Variants in ZC3H11A observed in about 807,000 individuals in gnomAD.
ZC3H11A encodes zinc finger CCCH-type containing 11A.
ZC3H11A carries 22 observed loss-of-function variants against 90.8 expected under a neutral mutation model. The observed-to-expected ratio is 0.24, with a 90% CI of 0.17 to 0.35. The LOEUF (loss-of-function observed/expected upper bound fraction) is 0.35. ZC3H11A is among the 10% of genes least tolerant of loss of function. ZC3H11A has a pLI of 1.00. For missense variants in ZC3H11A, 701 were observed against 964.9 expected (o/e 0.73, Z 3.62); for synonymous variants, 294 against 339.8 (o/e 0.87, Z 1.48).
chr1:203,825,203 T>C (rs1472462253), intron 4 of ZC3H11A, among the ~76,000 whole-genome samples: 3 of 152,046 alleles, frequency 2.0e-5, no homozygotes, highest in Admixed American at 2.0e-4. Flanking sequence ...AACAAAGTTA[T>C]GTATTGATTA....
intron 4 of ZC3H11A, among the ~76,000 whole-genome samples, chr1:203,819,231 T>C (rs1384254242): frequency 1.3e-5 from 2 of 150,784 alleles, no homozygotes; most frequent in Non-Finnish European, 3.0e-5. Flanking sequence ...TTTTTATTTT[T>C]TTTTTTTTGA....
chr1:203,797,801 G>A (rs1669099912), intron 1 of ZC3H11A: 1 of 1,536,058 alleles, frequency 6.5e-7, no homozygotes. Flanking sequence ...GATCTGGGAG[G>A]CCTGTTGCAG....
chr1:203,831,007 G>T (rs536499161), intron 8 of ZC3H11A, among the ~76,000 whole-genome samples: 2 of 125,812 alleles, frequency 1.6e-5, no homozygotes, highest in East Asian at 2.8e-4. Context: ...GTGCAATGGC[G>T]CAATCTTTGC....
chr1:203,809,566 C>G (rs1673629357), intron 2 of ZC3H11A, among the ~76,000 whole-genome samples: 1 of 152,114 alleles, frequency 6.6e-6, no homozygotes, highest in Non-Finnish European at 1.5e-5. Context: ...AATAATATGT[C>G]CTTTTTCCTA....
In ZC3H11A at chr1:203,840,698, G is replaced by T. The variant is rs1685841970; in HGVS notation, c.1042+324G>T. Among the ~76,000 whole-genome samples, 7 of 151,814 alleles carry T rather than the reference G, an allele frequency of 4.6e-5. No individual in the cohort carries two copies. The South Asian group carries it at 1.5e-3, about 32-fold the overall frequency. ...GCCCAGGCTGGAGTTAAATGGCAAG[G>T]TCTCAGCTCACTGCAACCTCCACCT... On this transcript the variant is annotated intron_variant, in intron 12 of 17. Coordinates refer to ENST00000367210, the MANE Select transcript of ZC3H11A (RefSeq NM_001376342.1).
intron 1 of ZC3H11A, chr1:203,797,963 G>A (rs1299255922): frequency 6.5e-7 from 1 of 1,535,824 alleles, no homozygotes; most frequent in Admixed American, 2.0e-5. Context: ...AGTACACCTG[G>A]CGGGCCATTT....
At chr1:203,831,378 A>G (rs959228709) in intron 8 of ZC3H11A, among the ~76,000 whole-genome samples, 2 of 152,132 alleles carry the variant, frequency 1.3e-5, no homozygotes, top group Admixed American at 6.6e-5. Context: ...TTTTAGAATA[A>G]TACTAGCTTT....
chr1:203,798,679 C>A (rs1350931211), intron 1 of ZC3H11A: 36 of 1,536,002 alleles, frequency 2.3e-5, no homozygotes, highest in Non-Finnish European at 2.9e-5. Flanking sequence ...ATTCCCGTTG[C>A]AGAGCAAGGC....
chr1:203,828,269 T>C (rs766161407), intron 4 of ZC3H11A, 30 bp from the exon 5 acceptor site: 29 of 1,613,498 alleles, frequency 1.8e-5, no homozygotes, highest in Non-Finnish European at 2.0e-5. Context: ...ACTGTTTTAT[T>C]TGAAAGCAAT....
At chr1:203,822,014 C>T (rs1276371269) in intron 4 of ZC3H11A, among the ~76,000 whole-genome samples, 1 of 152,102 alleles carries the variant, frequency 6.6e-6, no homozygotes, top group Non-Finnish European at 1.5e-5. Flanking sequence ...GCCTTGGCCT[C>T]CCAAAGTCCT....
rs2103014556 is a variant in ZC3H11A, at chr1:203,829,823, G to A, written c.546G>A (p.Leu182=). ...EEGDETKTPT[L]QPTPEVHNGL... is the part of the protein sequence containing the mutation. ...GTGATGAAACCAAAACACCTACCCTGCAACCAACTCCTGAAGTTCACAATG... is the reference window on the plus strand; with the variant it reads ...GTGATGAAACCAAAACACCTACCCTACAACCAACTCCTGAAGTTCACAATG... Residue 182 remains leucine, a synonymous_variant, in exon 7 of 18, where the codon CTG becomes CTA. Transcript: ENST00000367210. The A allele has an allele frequency of 6.2e-7, 1 of 1,614,100 alleles. No homozygotes were observed. The highest frequency in any genetic ancestry group is 8.5e-7 in the Non-Finnish European group (1 of 1,179,994).
intron 9 of ZC3H11A, 66 bp downstream of exon 9, chr1:203,831,837 C>A: frequency 7.8e-7 from 1 of 1,289,128 alleles, no homozygotes; most frequent in Non-Finnish European, 1.1e-6. Flanking sequence ...ATGCAAAATC[C>A]TTGGGTATCT....
chr1:203,841,520 TAC>T (rs751730582), intron 12 of ZC3H11A, among the ~76,000 whole-genome samples: 157 of 152,366 alleles, frequency 1.0e-3, no homozygotes, highest in Non-Finnish European at 1.9e-3. Context: ...TTTTTCTTAG[TAC>T]AGAACAAAAT....
Position 203,838,028 on chromosome 1 carries a change from G to C in ZC3H11A, c.937G>C (p.Ala313Pro), listed in dbSNP as rs1460720314. The change falls in exon 11 of 18, where the codon GCT becomes CCT. Residue 313 changes from alanine to proline, a missense_variant. Coordinates refer to ENST00000367210, the MANE Select transcript of ZC3H11A (RefSeq NM_001376342.1). ...LAQRLGKKVE[A>P]PETNIDKTPK... ...ACAGAGGCTAGGGAAGAAAGTTGAA[G>C]CTCCAGAAACTAACATTGACAAAAC... 2 of 1,614,044 alleles carry C rather than the reference G, an allele frequency of 1.2e-6. No homozygotes were observed. Among genetic ancestry groups the C allele is most frequent in the East Asian group, 2.2e-5 (1 of 44,894 alleles).
intron 5 of ZC3H11A, among the ~76,000 whole-genome samples, chr1:203,828,819 G>T (rs1008300338): frequency 5.9e-5 from 9 of 152,170 alleles, no homozygotes; most frequent in Admixed American, 5.9e-4. Context: ...TAGTGCTATA[G>T]AATTGAGTAG....
At chr1:203,810,994 A>G (rs1379618642) in intron 2 of ZC3H11A, among the ~76,000 whole-genome samples, 5 of 151,502 alleles carry the variant, frequency 3.3e-5, no homozygotes, top group Admixed American at 6.6e-5. Context: ...AAAAAAAATT[A>G]GCAGGGTATG....
At chr1:203,809,932 G>A (rs79962865) in intron 2 of ZC3H11A, among the ~76,000 whole-genome samples, 12,045 of 152,038 alleles carry the variant, frequency 0.079, 1,267 homozygotes, top group East Asian at 0.4. Context: ...CCAGGTTTGG[G>A]CAACAGAGCG....
chr1:203,807,856 C>T (rs569701434), intron 2 of ZC3H11A, among the ~76,000 whole-genome samples: 22 of 152,200 alleles, frequency 1.4e-4, no homozygotes, highest in African/African-American at 5.1e-4. Context: ...ATCCTTCTGC[C>T]TCAGCGTCCC....
intron 12 of ZC3H11A, among the ~76,000 whole-genome samples, chr1:203,846,972 T>C (rs1352396462): frequency 6.6e-6 from 1 of 150,684 alleles, no homozygotes; most frequent in African/African-American, 2.4e-5. Context: ...ACCACTGCAC[T>C]CCAGCCTGGG....
Sources: allele counts gnomAD v4.1 joint callset (sites outside exome capture counted in the v4.1 genomes callset), GRCh38; gene constraint gnomAD v4.1.1; transcripts MANE v1.5; gene names NCBI Gene and HGNC (gene_info 2026-07-23, HGNC 2026-07-21).